Variants in RPH3AL observed in about 807,000 individuals in gnomAD.
RPH3AL encodes rabphilin 3A like (without C2 domains), also known as rab effector Noc2.
In RPH3AL, 38 loss-of-function variants were observed where a neutral mutation model predicts 43.1. The observed-to-expected ratio is 0.88, with a 90% CI of 0.68 to 1.15. The LOEUF is 1.15. Ranked by LOEUF, RPH3AL falls within the 50% of genes most tolerant of loss-of-function variation. The pLI is 0.00. For missense variants in RPH3AL, 462 were observed against 423.2 expected, an observed-to-expected ratio of 1.09 and a Z score of -0.81; for synonymous variants, 189 against 176.3, an observed-to-expected ratio of 1.07 and a Z score of -0.57.
intron 5 of RPH3AL, among the ~76,000 whole-genome samples, chr17:294,638 G>C (rs111751847): frequency 1.4e-5 from 1 of 69,114 alleles, no homozygotes; most frequent in East Asian, 3.5e-4. Flanking sequence ...TGCAGAAATG[G>C]ACAGCAGAGG....
rs2041727916 is a variant in RPH3AL at position 245,283 on chromosome 17, A to C, written c.613+1828T>G. ...TGCACGTGGATGTCAGTGTGTGTGT[A>C]CGTGGGTGTGTGTGTGGATGTGTGT... On this transcript the variant is annotated intron_variant, in intron 7 of 9. Transcript: ENST00000331302. The surrounding 1 kb of genome is among the most constrained non-coding windows in gnomAD (Gnocchi z 5.9). Among the ~76,000 whole-genome samples the C allele has an allele frequency of 7.5e-6, 1 of 133,902 alleles. No individual in the cohort carries two copies. Among genetic ancestry groups the C allele is most frequent in the Non-Finnish European group, 1.6e-5 (1 of 62,302 alleles). 87.8% of individuals were successfully genotyped at this position (133,902 alleles called of 152,430 possible). A position where few individuals can be genotyped will look rare whatever the true frequency, so the allele number is the denominator to read the frequency against.
intron 1 of RPH3AL, among the ~76,000 whole-genome samples, chr17:341,711 A>AT (rs1482720993): frequency 2.6e-5 from 4 of 152,146 alleles, no homozygotes; most frequent in Admixed American, 1.3e-4. Context: ...GACAAATTGG[A>AT]TTTTTTATCA....
At chr17:262,655 CCT>C (rs2042228533) in intron 6 of RPH3AL, among the ~76,000 whole-genome samples, 1 of 152,156 alleles carries the variant, frequency 6.6e-6, no homozygotes, top group Non-Finnish European at 1.5e-5. Flanking sequence ...TTACATCTCC[CCT>C]GTGACCCAGC....
intron 5 of RPH3AL, among the ~76,000 whole-genome samples, chr17:309,666 T>C (rs75850666): frequency 1.8e-4 from 23 of 127,064 alleles, no homozygotes; most frequent in African/African-American, 5.2e-4. Context: ...GCTGGGGGTC[T>C]GGGATATGGC....
At position 215,588 on chromosome 17, in the gene RPH3AL, G is replaced by A; in HGVS notation, c.876+66C>T. On this transcript the variant is annotated intron_variant, in intron 9 of 9. Transcript: ENST00000331302. The surrounding 1 kb of genome is among the most constrained non-coding windows in gnomAD (Gnocchi z 4.1). ...CACCGACCAGTCTCCAGTTTGGGAG[G>A]AGTGAGTGAGAGAGGACACGGCCGC... is the stretch of plus-strand genomic sequence containing the variant. 1 of 1,216,354 alleles carries A rather than the reference G, an allele frequency of 8.2e-7. No individual in the cohort carries two copies. The highest frequency in any genetic ancestry group is 1.0e-6 in the Non-Finnish European group (1 of 963,208). The allele number at this position is 1,216,354 out of a possible 1,614,324, so 75.3% of individuals were successfully genotyped here.
At chr17:316,672 G>A (rs148845936) in intron 5 of RPH3AL, among the ~76,000 whole-genome samples, 851 of 5,882 alleles carry the variant, frequency 0.14, no homozygotes, top group Admixed American at 0.23. Context: ...CACCTCCATT[G>A]ACCTGCAGTC....
chr17:267,310 G>A (rs998923108), intron 6 of RPH3AL, among the ~76,000 whole-genome samples: 3 of 152,220 alleles, frequency 2.0e-5, no homozygotes, highest in South Asian at 2.1e-4. Context: ...CTCTGACACC[G>A]GTTTGAGAGA....
intron 6 of RPH3AL, among the ~76,000 whole-genome samples, chr17:271,428 T>C (rs79492925): frequency 0.025 from 3,855 of 152,332 alleles, 53 homozygotes; most frequent in Non-Finnish European, 0.037. Flanking sequence ...TTCTTCCATT[T>C]GTTTGTGCCC....
At chr17:315,675 G>T (rs1598098666) in intron 5 of RPH3AL, among the ~76,000 whole-genome samples, 1 of 152,184 alleles carries the variant, frequency 6.6e-6, no homozygotes, top group Admixed American at 6.5e-5. Flanking sequence ...CTGACCTGTA[G>T]TCCCTGTGAC....
At chr17:259,915 G>T (rs1204625339) in intron 6 of RPH3AL, among the ~76,000 whole-genome samples, 6 of 152,248 alleles carry the variant, frequency 3.9e-5, no homozygotes, top group Non-Finnish European at 8.8e-5. Context: ...CTAAATGGTT[G>T]TGGCTGGAGA....
At chr17:250,994 A>C (rs1315159440) in intron 6 of RPH3AL, among the ~76,000 whole-genome samples, 4 of 152,266 alleles carry the variant, frequency 2.6e-5, no homozygotes, top group Admixed American at 2.6e-4. Flanking sequence ...CTCTACCCGC[A>C]ATCTGCCTGG....
chr17:227,470 G>A (rs955272995), intron 7 of RPH3AL, among the ~76,000 whole-genome samples: 4 of 56 alleles, frequency 0.071, no homozygotes, highest in Non-Finnish European at 0.12. Flanking sequence ...ACAGCACTGC[G>A]CTGGGGATGT....
rs961276536 is a variant in RPH3AL at position 290,206 on chromosome 17, A to G, written c.352-8352T>C. Among the ~76,000 whole-genome samples the G allele has an allele frequency of 3.9e-5, 6 of 152,374 alleles. No individual in the cohort carries two copies. Among genetic ancestry groups the G allele is most frequent in the African/African-American group, 1.4e-4 (6 of 41,598 alleles). ...GCTCAGCGACACGAGGCAGGGTCCA[A>G]TCACGTCCACATTGAGTGATGCTGA... On this transcript the variant is annotated intron_variant, in intron 5 of 9. Transcript: ENST00000331302. The surrounding 1 kb of genome is among the most constrained non-coding windows in gnomAD (Gnocchi z 4.2).
intron 6 of RPH3AL, among the ~76,000 whole-genome samples, chr17:260,916 C>T (rs1215335544): frequency 1.3e-5 from 2 of 152,168 alleles, no homozygotes; most frequent in South Asian, 2.1e-4. Flanking sequence ...TGGACTAGCT[C>T]GTCTCCAGCC....
chr17:331,903 G>A, intron 2 of RPH3AL: 1 of 1,281,760 alleles, frequency 7.8e-7, no homozygotes, highest in Non-Finnish European at 1.0e-6. Flanking sequence ...TTAAACTGAT[G>A]AGGGAACAAA....
chr17:336,045 T>A (rs1178448677), intron 1 of RPH3AL: 1 of 13,838 alleles, frequency 7.2e-5, no homozygotes, highest in African/African-American at 1.6e-4. Context: ...GGAGATGGGG[T>A]TTAGAGGAGG....
At position 340,432 on chromosome 17, in the gene RPH3AL, A is replaced by C. The variant is rs2045084150; in HGVS notation, c.-212-6498T>G. ...CGGGCTCAGGCCTCCCCACATCCAT[A>C]CTCACTGCCCCCCACCCAGGCCTCC... On this transcript the variant is annotated intron_variant, in intron 1 of 9. Coordinates refer to ENST00000331302, the MANE Select transcript of RPH3AL (RefSeq NM_006987.4). 1.7e-5 allele frequency among the ~76,000 whole-genome samples: 2 copies of C among 117,174 alleles called. 1 individual carries two copies. Among genetic ancestry groups the C allele is most frequent in the African/African-American group, 6.6e-5 (2 of 30,100 alleles). The allele number at this position is 117,174 out of a possible 152,430, so 76.9% of individuals were successfully genotyped here. A position where few individuals can be genotyped will look rare whatever the true frequency, so the allele number is the denominator to read the frequency against.
chr17:316,166 T>C (rs1319241169), intron 5 of RPH3AL, among the ~76,000 whole-genome samples: 1 of 136,982 alleles, frequency 7.3e-6, no homozygotes, highest in East Asian at 2.3e-4. Context: ...TGACCTGTAG[T>C]CCCTGTGCTC....
intron 5 of RPH3AL, among the ~76,000 whole-genome samples, chr17:307,329 CCACGGCAGG>C (rs1386603292): frequency 5.5e-5 from 8 of 145,364 alleles, no homozygotes; most frequent in African/African-American, 1.6e-4. Context: ...CAGGTCCTCC[CCACGGCAGG>C]TCCTCCCCGC....
Sources: allele counts gnomAD v4.1 joint callset (sites outside exome capture counted in the v4.1 genomes callset), GRCh38; gene constraint gnomAD v4.1.1; non-coding constraint Gnocchi (gnomAD v3.1); transcripts MANE v1.5; gene names NCBI Gene and HGNC (gene_info 2026-07-23, HGNC 2026-07-21).